Variants in KMT2C observed in about 807,000 individuals in gnomAD.
KMT2C encodes the protein histone-lysine N-methyltransferase 2C.
In KMT2C, 88 loss-of-function variants were observed where a neutral mutation model predicts 507.9. The observed-to-expected ratio is 0.17, with a 90% CI of 0.15 to 0.21. KMT2C has a LOEUF of 0.21. Among genes scored for constraint, KMT2C ranks in the 10% least tolerant of loss-of-function variants. KMT2C has a pLI of 1.00. For synonymous variants in KMT2C, 2,049 were observed against 2,080.8 expected, an observed-to-expected ratio of 0.98 and a Z score of 0.42; for missense variants, 4,954 against 5,957.8, an observed-to-expected ratio of 0.83 and a Z score of 5.55.
At chr7:152,394,221 T>G (rs2097523017) in intron 1 of KMT2C, among the ~76,000 whole-genome samples, 1 of 152,102 alleles carries the variant, frequency 6.6e-6, no homozygotes, top group Non-Finnish European at 1.5e-5. Context: ...AGCATGAGAG[T>G]TTTAGAGTCT....
chr7:152,342,416 G>A (rs1035866378), intron 2 of KMT2C, among the ~76,000 whole-genome samples: 3 of 152,106 alleles, frequency 2.0e-5, no homozygotes, highest in African/African-American at 7.2e-5. Flanking sequence ...ACTATAGTTA[G>A]AACTGGCTTA....
In KMT2C at chr7:152,177,501, T is replaced by C; in HGVS notation, c.7952A>G (p.His2651Arg). The C allele has an allele frequency of 1.2e-6, 2 of 1,614,226 alleles. No homozygotes were observed. The highest frequency in any genetic ancestry group is 1.7e-6 in the Non-Finnish European group (2 of 1,180,040). ...SSSMVMRTLN[H>R]PLGGEFSEAP... ...TTCTGAAAATTCACCACCTAGTGGATGGTTCAGAGTCCTCATGACCATAGA... is the reference window on the plus strand; with the variant it reads ...TTCTGAAAATTCACCACCTAGTGGACGGTTCAGAGTCCTCATGACCATAGA... Residue 2651 changes from histidine (H) to arginine (R), a missense_variant, in exon 38 of 59, where the codon CAT becomes CGT. Around this residue, in one of 29 missense-constraint regions of KMT2C, gnomAD observed 1,689 missense variants for 1,654.3 expected, o/e 1.02. Transcript: ENST00000262189.
Position 152,220,658 on chromosome 7 carries a change from T to C in KMT2C, c.3577A>G (p.Thr1193Ala). ...GMTQLQSLTVTVPRRKRSKPK... is the reference protein window; with the variant it reads ...GMTQLQSLTVAVPRRKRSKPK... Reference sequence around the variant, plus strand: ...TTTGACCGTTTTCTTCTTGGAACTGTAACTGTGAGGCTCTGTAACTGAGTC... The same window carrying C: ...TTTGACCGTTTTCTTCTTGGAACTGCAACTGTGAGGCTCTGTAACTGAGTC... The change falls in exon 23 of 59, where the codon ACA becomes GCA. Residue 1193 changes from threonine to alanine, a missense_variant. By Grantham distance (58) the Thr-to-Ala change is moderately conservative. Around this residue, in one of 29 missense-constraint regions of KMT2C, gnomAD observed 176 missense variants for 262.0 expected, o/e 0.67. Coordinates refer to ENST00000262189, the MANE Select transcript of KMT2C (RefSeq NM_170606.3). The C allele has an allele frequency of 6.2e-7, 1 of 1,611,744 alleles. No homozygotes were observed. The highest frequency in any genetic ancestry group is 8.5e-7 in the Non-Finnish European group (1 of 1,179,626).
Position 152,162,188 on chromosome 7 carries a change from T to G in KMT2C, c.11389A>C (p.Ser3797Arg). 1 of 1,612,908 alleles carries G rather than the reference T, an allele frequency of 6.2e-7. No homozygotes were observed. The highest frequency in any genetic ancestry group is 8.5e-7 in the Non-Finnish European group (1 of 1,179,588). ...SSLLNQKPEG[S>R]ICSEDDCTKD... ...GTACAGTCATCTTCTGAACAAATAC[T>G]GCCCTCAGGTTTTTGATTCAAAAGA... is the stretch of plus-strand genomic sequence containing the variant. The change falls in exon 43 of 59, where the codon AGT becomes CGT. Residue 3797 changes from serine (S) to arginine (R), a missense_variant. Ser to Arg is a moderately radical substitution (Grantham distance 110). Coordinates refer to ENST00000262189, the MANE Select transcript of KMT2C (RefSeq NM_170606.3).
At position 152,135,289 on chromosome 7, in the gene KMT2C, A is replaced by G. The variant is rs80125401; in HGVS notation, c.*1543T>C. 6.6e-3 allele frequency: 1,450 copies of G among 219,916 alleles called. 12 individuals carry two copies. Among genetic ancestry groups the G allele is most frequent in the Non-Finnish European group, 9.5e-3 (1,037 of 109,426 alleles). 13.6% of individuals were successfully genotyped at this position (219,916 alleles called of 1,614,324 possible). On this transcript the variant is annotated 3_prime_UTR_variant, in exon 59 of 59. Transcript: ENST00000262189. ...ACTTGAATTGTGCACACAAAACTTC[A>G]TTTTATACTTAGCCTGTGAAGTGTC...
At chr7:152,259,444 G>GCA (rs751421198) in intron 9 of KMT2C, among the ~76,000 whole-genome samples, 51 of 85,430 alleles carry the variant, frequency 6.0e-4, no homozygotes, top group South Asian at 1.1e-3. Context: ...ACACACACAC[G>GCA]CGCACACACA....
At chr7:152,396,671 T>C (rs1467519627) in intron 1 of KMT2C, among the ~76,000 whole-genome samples, 1 of 152,132 alleles carries the variant, frequency 6.6e-6, no homozygotes, top group African/African-American at 2.4e-5. Context: ...AGTGATTTAG[T>C]AAAGAAAAAA....
intron 2 of KMT2C, among the ~76,000 whole-genome samples, chr7:152,350,826 T>A (rs796355644): frequency 6.6e-6 from 1 of 152,362 alleles, no homozygotes; most frequent in African/African-American, 2.4e-5. Context: ...CATTTTTACT[T>A]TATAAACTTT....
chr7:152,223,868 G>C (rs1410870735), intron 20 of KMT2C, 147 bp downstream of exon 20: 2 of 596,200 alleles, frequency 3.4e-6, no homozygotes, highest in Non-Finnish European at 5.8e-6. Flanking sequence ...AATCGCTTCT[G>C]TAAGTTTCTA....
At chr7:152,179,126 G>A (rs1288519181) in intron 37 of KMT2C, among the ~76,000 whole-genome samples, 1 of 152,142 alleles carries the variant, frequency 6.6e-6, no homozygotes, top group East Asian at 1.9e-4. Context: ...GAGTAGCCGC[G>A]AATACAGGTG....
intron 7 of KMT2C, among the ~76,000 whole-genome samples, chr7:152,267,545 A>C (rs1476539106): frequency 1.3e-5 from 2 of 152,242 alleles, no homozygotes. Context: ...TTGGTGCAAA[A>C]GTAACTGCAG....
Position 152,205,090 on chromosome 7 carries a change from T to C in KMT2C, c.3961+16A>G. On this transcript the variant is annotated intron_variant, in intron 25 of 58. Coordinates refer to ENST00000262189, the MANE Select transcript of KMT2C (RefSeq NM_170606.3). The stretch of plus-strand genomic sequence containing the variant: ...TTACATTAAAAAAAAAATTTTTTTT[T>C]AAGTCAGTACTATACCATCATCTCT... 6.4e-7 allele frequency: 1 copy of C among 1,551,326 alleles called. No homozygotes were observed. The highest frequency in any genetic ancestry group is 1.4e-5 in the African/African-American group (1 of 71,340).
intron 6 of KMT2C, among the ~76,000 whole-genome samples, chr7:152,309,707 G>A (rs567052494): frequency 6.6e-6 from 1 of 151,618 alleles, no homozygotes; most frequent in African/African-American, 2.4e-5. Flanking sequence ...TTTTGGTAGA[G>A]AAGGGGTTTT....
At chr7:152,192,371 T>A (rs957066013) in intron 31 of KMT2C, among the ~76,000 whole-genome samples, 1 of 151,754 alleles carries the variant, frequency 6.6e-6, no homozygotes, top group African/African-American at 2.4e-5. Flanking sequence ...TGAAACCCCG[T>A]CTCTACTAAA....
intron 6 of KMT2C, among the ~76,000 whole-genome samples, chr7:152,304,196 A>T (rs2096595417): frequency 6.6e-6 from 1 of 152,198 alleles, no homozygotes; most frequent in African/African-American, 2.4e-5. Flanking sequence ...TTATTTTAAT[A>T]CCTAGTTTCT....
rs556919434 is a variant in KMT2C, at chr7:152,255,433, TG to T, written c.1300-2719del. ...CCCCTGCCTTGGCCTCCCAAAGTGC[TG>T]GGATTACAGGTGTGAGCCACTGCAC... On this transcript the variant is annotated intron_variant, in intron 9 of 58. Coordinates refer to ENST00000262189, the MANE Select transcript of KMT2C (RefSeq NM_170606.3). Among the ~76,000 whole-genome samples, 236 of 152,120 alleles carry T rather than the reference TG, an allele frequency of 1.6e-3. 2 individuals are homozygous for T. Among genetic ancestry groups the T allele is most frequent in the African/African-American group, 5.5e-3 (229 of 41,504 alleles).
At chr7:152,216,008 C>T (rs2094573935) in intron 23 of KMT2C, among the ~76,000 whole-genome samples, 1 of 152,212 alleles carries the variant, frequency 6.6e-6, no homozygotes, top group African/African-American at 2.4e-5. Context: ...GTCTACCTCA[C>T]TCTTCCCACT....
intron 2 of KMT2C, among the ~76,000 whole-genome samples, chr7:152,357,947 A>T (rs780549073): frequency 6.6e-6 from 1 of 152,222 alleles, no homozygotes; most frequent in East Asian, 1.9e-4. Flanking sequence ...TCTAAACTTT[A>T]TCTAACAACT....
At chr7:152,351,329 T>C (rs2097109114) in intron 2 of KMT2C, among the ~76,000 whole-genome samples, 1 of 152,206 alleles carries the variant, frequency 6.6e-6, no homozygotes. Flanking sequence ...ACTGGGTTTG[T>C]TTACACCAGC....
Sources: gnomAD v4.1 joint callset for allele counts (sites outside exome capture counted in the v4.1 genomes callset) on GRCh38, gnomAD v4.1.1 for gene constraint, gnomAD v4.1.1 regional missense constraint, MANE v1.5 for transcripts, NCBI Gene and HGNC (gene_info 2026-07-23, HGNC 2026-07-21) for gene names.